The following ARHGEF18 variants were observed in gnomAD, a reference collection of about 807,000 sequenced individuals.
ARHGEF18 encodes rho guanine nucleotide exchange factor 18.
In ARHGEF18, 93 loss-of-function variants were observed where a neutral mutation model predicts 155.7. The ratio of observed to expected loss-of-function variants is 0.60; its 90% CI spans 0.50 to 0.71. The LOEUF (loss-of-function observed/expected upper bound fraction) is 0.71, where lower values mean the gene tolerates loss of function less well. ARHGEF18 is among the 30% of genes least tolerant of loss of function. The probability of loss-of-function intolerance (pLI) is 0.00; values close to 1 mark genes in which losing one functional copy is unlikely to be tolerated. For missense variants in ARHGEF18, 1,593 were observed against 1,816.1 expected, an observed-to-expected ratio of 0.88 and a Z score of 2.23; for synonymous variants, 742 against 753.1, an observed-to-expected ratio of 0.99 and a Z score of 0.24.
intron 7 of ARHGEF18, among the ~76,000 whole-genome samples, 185 bp from the exon 8 acceptor site, chr19:7,380,732 C>A (rs1970697014): frequency 6.6e-6 from 1 of 152,090 alleles, no homozygotes; most frequent in Non-Finnish European, 1.5e-5. Context: ...TTTTGTTTAG[C>A]CAAGACACAT....
chr19:7,477,742 G>A, the ARHGEF18 span, among the ~76,000 whole-genome samples: 2 of 152,264 alleles, frequency 1.3e-5, no homozygotes, highest in African/African-American at 4.8e-5. Context: ...TTTGGGAGGT[G>A]TGGAGGGAAG....
rs960953426 is a variant in ARHGEF18 at position 7,462,467 on chromosome 19, C to G, written c.2635+133C>G. ...AGGACAGGCTTCTATGTGGGGGGGG[C>G]CCAGGAGCAGCACTGACCGCCCCCC... On this transcript the variant is annotated intron_variant, in intron 21 of 28. Transcript: ENST00000668164. This position sits in a 1 kb window ranked among gnomAD's most constrained non-coding sequence, Gnocchi z 4.4. The G allele has an allele frequency of 7.2e-6, 8 of 1,105,664 alleles. No individual in the cohort carries two copies. Among genetic ancestry groups the G allele is most frequent in the African/African-American group, 1.7e-5 (1 of 59,900 alleles). The allele number at this position is 1,105,664 out of a possible 1,614,324, so 68.5% of individuals were successfully genotyped here. A position where few individuals can be genotyped will look rare whatever the true frequency, so the allele number is the denominator to read the frequency against.
intron 10 of ARHGEF18, among the ~76,000 whole-genome samples, chr19:7,394,515 A>T (rs1437802186): frequency 6.6e-6 from 1 of 151,822 alleles, no homozygotes; most frequent in African/African-American, 2.4e-5. Context: ...TGATTCTTCC[A>T]AAACACCCCC....
chr19:7,441,884 C>G (rs779781158), intron 12 of ARHGEF18, 28 bp from the exon 13 acceptor site: 1 of 1,613,702 alleles, frequency 6.2e-7, no homozygotes, highest in South Asian at 1.1e-5. Context: ...TCTGGGCCCC[C>G]AGCAGCCACA....
downstream of ARHGEF18, among the ~76,000 whole-genome samples, chr19:7,475,907 G>C (rs973231010): frequency 3.9e-5 from 6 of 152,180 alleles, 1 homozygote; most frequent in South Asian, 8.3e-4. Flanking sequence ...GGGAAAGAAG[G>C]GGGAAACCCA....
chr19:7,427,376 C>G (rs535893692), intron 10 of ARHGEF18, among the ~76,000 whole-genome samples: 1 of 152,292 alleles, frequency 6.6e-6, no homozygotes, highest in African/African-American at 2.4e-5. Flanking sequence ...CATGGTGGCT[C>G]TCGCCTGTAA....
intron 10 of ARHGEF18, among the ~76,000 whole-genome samples, chr19:7,406,933 C>T (rs1246316231): frequency 3.3e-5 from 5 of 151,254 alleles, no homozygotes; most frequent in East Asian, 1.9e-4. Flanking sequence ...GGCGTGGTGG[C>T]GGGCGCCTGT....
chr19:7,451,178 G>A lies in ARHGEF18; in HGVS notation c.1767G>A (p.Arg589=). 1.3e-6 allele frequency: 2 copies of A among 1,551,510 alleles called. No individual in the cohort carries two copies. Among genetic ancestry groups the A allele is most frequent in the East Asian group, 2.3e-5 (1 of 43,260 alleles). ...TTGGCAACTTCTCCATCGTGCGGCG[G>A]CTTGGCGTGCAGGAGTGCATTCTCC... ...KKIGNFSIVR[R]LGVQECILLV... is the part of the protein sequence containing the mutation. The change falls in exon 16 of 29, where the codon CGG becomes CGA. Residue 589 remains arginine, a synonymous_variant. Coordinates refer to ENST00000668164, the MANE Select transcript of ARHGEF18 (RefSeq NM_001367823.1).
chr19:7,381,079 T>C (rs757131320), intron 8 of ARHGEF18, 85 bp downstream of exon 8: 3 of 1,061,416 alleles, frequency 2.8e-6, no homozygotes, highest in Non-Finnish European at 3.6e-6. Flanking sequence ...AGACCCCCCA[T>C]GCTGGGGGCA....
chr19:7,405,847 C>T (rs1408075250), intron 10 of ARHGEF18, among the ~76,000 whole-genome samples: 1 of 146,870 alleles, frequency 6.8e-6, no homozygotes, highest in Admixed American at 6.6e-5. Flanking sequence ...GTCTTAAACT[C>T]TTGGGCTCAA....
At chr19:7,370,104 C>T (rs138122136) in intron 2 of ARHGEF18, among the ~76,000 whole-genome samples, 116 of 151,276 alleles carry the variant, frequency 7.7e-4, no homozygotes, top group Middle Eastern at 3.5e-3. Context: ...GGGTGAGGCA[C>T]GAGAATCACT....
intron 10 of ARHGEF18, among the ~76,000 whole-genome samples, chr19:7,425,507 C>T (rs1973608022): frequency 6.6e-6 from 1 of 151,764 alleles, no homozygotes; most frequent in South Asian, 2.1e-4. Context: ...CATGGTGACA[C>T]CCCGTCTCTA....
downstream of ARHGEF18, chr19:7,476,747 G>C (rs1011295059): frequency 1.9e-5 from 3 of 157,926 alleles, no homozygotes; most frequent in African/African-American, 7.2e-5. Context: ...AAGATGGAGA[G>C]GACCCACCGG....
Position 7,468,404 on chromosome 19 carries a change from G to A in ARHGEF18, c.3481-421G>A, listed in dbSNP as rs138285972. On this transcript the variant is annotated intron_variant, in intron 26 of 28. Coordinates refer to ENST00000668164, the MANE Select transcript of ARHGEF18 (RefSeq NM_001367823.1). Reference sequence around the variant, plus strand: ...TAAAAAAAAAATGCAAAAATTAGCAGGGCGTGGTGGCACATACCTGTAATC... The same window carrying A: ...TAAAAAAAAAATGCAAAAATTAGCAAGGCGTGGTGGCACATACCTGTAATC... Among the ~76,000 whole-genome samples, 311 of 152,136 alleles carry A rather than the reference G, an allele frequency of 2.0e-3. 6 individuals are homozygous for A. In the South Asian group the frequency reaches 0.025, roughly 12 times the overall value.
chr19:7,397,078 G>A (rs868495290), intron 10 of ARHGEF18, among the ~76,000 whole-genome samples: 2 of 142,080 alleles, frequency 1.4e-5, no homozygotes, highest in South Asian at 4.5e-4. Context: ...TATTTCTGTA[G>A]GTCAGCAAGC....
chr19:7,376,724 C>G lies in ARHGEF18; in HGVS notation c.508C>G (p.Pro170Ala). The change falls in exon 5 of 29, where the codon CCG becomes GCG. Residue 170 changes from proline (P) to alanine (A), a missense_variant. By Grantham distance (27) the Pro-to-Ala change is conservative. Coordinates refer to ENST00000668164, the MANE Select transcript of ARHGEF18 (RefSeq NM_001367823.1). ...TGAGATCCGCTCTCCGGAAATCTCT[C>G]CGGGTTTGGAAGTGCCCACTCCACC... ...FYEIRSPEIS[P>A]GLEVPTPPVQ... The G allele has an allele frequency of 8.1e-7, 1 of 1,234,448 alleles. No homozygotes were observed. Among genetic ancestry groups the G allele is most frequent in the Non-Finnish European group, 1.0e-6 (1 of 988,232 alleles). The allele number at this position is 1,234,448 out of a possible 1,614,324, so 76.5% of individuals were successfully genotyped here.
chr19:7,470,439 GC>G lies in ARHGEF18; in HGVS notation c.*143del. On this transcript the variant is annotated 3_prime_UTR_variant, in exon 29 of 29. Coordinates refer to ENST00000668164, the MANE Select transcript of ARHGEF18 (RefSeq NM_001367823.1). This position sits in a 1 kb window ranked among gnomAD's most constrained non-coding sequence, Gnocchi z 5.9. ...AACCACTGATGACCGCCTGGCAGGG[GC>G]CAGCCTGTCGGTGCTCTGGGCCTTG... is the stretch of plus-strand genomic sequence containing the variant. 1.2e-6 allele frequency: 1 copy of G among 839,478 alleles called. No individual in the cohort carries two copies. 52.0% of individuals were successfully genotyped at this position (839,478 alleles called of 1,614,324 possible). A position where few individuals can be genotyped will look rare whatever the true frequency, so the allele number is the denominator to read the frequency against.
rs1021712976 is a variant in ARHGEF18 at position 7,430,536 on chromosome 19, G to T, written c.968-9808G>T. On this transcript the variant is annotated intron_variant, in intron 10 of 28. Transcript: ENST00000668164. Reference sequence around the variant, plus strand: ...CCCAAAATTAACACAGGCCAGGCATGGTGTTGCCTGTAATCGCAGCACTTT... The same window carrying T: ...CCCAAAATTAACACAGGCCAGGCATTGTGTTGCCTGTAATCGCAGCACTTT... Among the ~76,000 whole-genome samples the T allele has an allele frequency of 5.3e-5, 8 of 152,260 alleles. No homozygotes were observed. The South Asian group carries it at 1.7e-3, about 32-fold the overall frequency.
rs1308902870 is a variant in ARHGEF18 at position 7,464,656 on chromosome 19, A to G, written c.2870A>G (p.Asp957Gly). 1 of 1,613,892 alleles carries G rather than the reference A, an allele frequency of 6.2e-7. No homozygotes were observed. The highest frequency in any genetic ancestry group is 8.5e-7 in the Non-Finnish European group (1 of 1,180,004). ...NSPDLKLSDS[D>G]IPGSSEESPQ... ...CCGGACTTGAAGCTCAGTGACAGTGACATTCCTGGGAGCTCTGAGGAATCG... is the reference window on the plus strand; with the variant it reads ...CCGGACTTGAAGCTCAGTGACAGTGGCATTCCTGGGAGCTCTGAGGAATCG... The change falls in exon 23 of 29, where the codon GAC becomes GGC. Residue 957 changes from aspartate (D) to glycine (G), a missense_variant. Asp to Gly is a moderately conservative substitution (Grantham distance 94). Transcript: ENST00000668164.
Sources: allele counts gnomAD v4.1 joint callset (sites outside exome capture counted in the v4.1 genomes callset), GRCh38; gene constraint gnomAD v4.1.1; non-coding constraint Gnocchi (gnomAD v3.1); transcripts MANE v1.5; gene names NCBI Gene and HGNC (gene_info 2026-07-23, HGNC 2026-07-21).